The following HK2 variants were observed in gnomAD, a reference collection of about 807,000 sequenced individuals.
HK2 encodes hexokinase 2.
A neutral mutation model predicts 92.9 loss-of-function variants in HK2; 42 were observed. The observed-to-expected ratio is 0.45, with a 90% CI of 0.35 to 0.58. HK2 has a LOEUF of 0.58. Among genes scored for constraint, HK2 ranks in the 20% least tolerant of loss-of-function variants. HK2 has a pLI of 0.00. For synonymous variants in HK2, 422 were observed against 468.0 expected, an observed-to-expected ratio of 0.90 and a Z score of 1.27; for missense variants, 978 against 1,245.1, an observed-to-expected ratio of 0.79 and a Z score of 3.23.
In HK2 at chr2:74,877,148, G is replaced by A; in HGVS notation, c.876-18G>A. 1 of 1,613,522 alleles carries A rather than the reference G, an allele frequency of 6.2e-7. No homozygotes were observed. Among genetic ancestry groups the A allele is most frequent in the Non-Finnish European group, 8.5e-7 (1 of 1,180,002 alleles). On this transcript the variant is annotated intron_variant, in intron 7 of 17. Coordinates refer to ENST00000290573, the MANE Select transcript of HK2 (RefSeq NM_000189.5). ...GGGCAGTGGGGACTTTATGTTTTTG[G>A]TTTGTGTCTTCCGGCAGGTTTGAGA...
At position 74,878,793 on chromosome 2, in the gene HK2, C is replaced by T. The variant is rs1210729799; in HGVS notation, c.1137C>T (p.Ser379=). The T allele has an allele frequency of 6.4e-7, 1 of 1,564,592 alleles. No individual in the cohort carries two copies. The highest frequency in any genetic ancestry group is 1.4e-5 in the African/African-American group (1 of 73,532). The change falls in exon 9 of 18, where the codon TCC becomes TCT. Residue 379 remains serine (S), a synonymous_variant. Transcript: ENST00000290573. The part of the protein sequence containing the change: ...VATHRICQIV[S]TRSASLCAAT... Reference sequence around the variant, plus strand: ...CTCACCGGATCTGCCAGATCGTGTCCACACGCTCCGCCAGCCTGTGCGCAG... The same window carrying T: ...CTCACCGGATCTGCCAGATCGTGTCTACACGCTCCGCCAGCCTGTGCGCAG...
At position 74,834,994 on chromosome 2, in the gene HK2, C is replaced by T. The variant is rs1198158036; in HGVS notation, c.63+351C>T. On this transcript the variant is annotated intron_variant, in intron 1 of 17. Coordinates refer to ENST00000290573, the MANE Select transcript of HK2 (RefSeq NM_000189.5). This position sits in a 1 kb window ranked among gnomAD's most constrained non-coding sequence, Gnocchi z 4.2. Reference sequence around the variant, plus strand: ...CTGCGCCCACGTGGGAGGGAGCCCCCTTCTGCAGCGCGAGTTCCGGCGAGA... The same window carrying T: ...CTGCGCCCACGTGGGAGGGAGCCCCTTTCTGCAGCGCGAGTTCCGGCGAGA... Among the ~76,000 whole-genome samples the T allele has an allele frequency of 6.6e-6, 1 of 152,208 alleles. No homozygotes were observed. Among genetic ancestry groups the T allele is most frequent in the African/African-American group, 2.4e-5 (1 of 41,460 alleles).
At chr2:74,889,838 A>G (rs1039373649) in intron 17 of HK2, among the ~76,000 whole-genome samples, 7 of 152,240 alleles carry the variant, frequency 4.6e-5, no homozygotes, top group Non-Finnish European at 1.0e-4. Context: ...ATCACATGGT[A>G]TCTCTTCTGT....
rs188750309 is a variant in HK2 at position 74,838,653 on chromosome 2, C to G, written c.63+4010C>G. 6.8e-3 allele frequency among the ~76,000 whole-genome samples: 1,032 copies of G among 152,032 alleles called. 14 individuals carry two copies. The highest frequency in any genetic ancestry group is 0.024 in the African/African-American group (989 of 41,480). The stretch of plus-strand genomic sequence containing the variant: ...TCCCGGGTTCACGCCATTCTCCTGC[C>G]TCAGCCTCCCGAGTAGCTGGGACTA... On this transcript the variant is annotated intron_variant, in intron 1 of 17. Coordinates refer to ENST00000290573, the MANE Select transcript of HK2 (RefSeq NM_000189.5).
chr2:74,884,102 A>G (rs766151194), intron 12 of HK2, among the ~76,000 whole-genome samples: 5 of 152,228 alleles, frequency 3.3e-5, no homozygotes, highest in Admixed American at 6.5e-5. Context: ...TTTTCATGCC[A>G]ACAGGTTATA....
At chr2:74,873,245 A>C in intron 4 of HK2, 31 bp from the exon 5 acceptor site, 1 of 1,524,864 alleles carries the variant, frequency 6.6e-7, no homozygotes, top group Non-Finnish European at 9.1e-7. Context: ...TTTAGTGGGA[A>C]ATCAATATTC....
chr2:74,868,854 C>G (rs1159437889), intron 3 of HK2, among the ~76,000 whole-genome samples: 2 of 152,186 alleles, frequency 1.3e-5, no homozygotes, highest in Non-Finnish European at 2.9e-5. Context: ...TTAAGTTTTA[C>G]AAGAACAACA....
chr2:74,874,621 A>G (rs1398153473), intron 7 of HK2, among the ~76,000 whole-genome samples, 172 bp downstream of exon 7: 2 of 152,224 alleles, frequency 1.3e-5, no homozygotes. Context: ...GATCTAAAAC[A>G]GAGAGCAAGC....
At chr2:74,848,241 C>T (rs186852879) in intron 1 of HK2, among the ~76,000 whole-genome samples, 1 of 152,310 alleles carries the variant, frequency 6.6e-6, no homozygotes, top group East Asian at 1.9e-4. Flanking sequence ...TTAGACAAGA[C>T]TCATCTCTCC....
Position 74,871,619 on chromosome 2 carries a change from C to A in HK2, c.376-681C>A, listed in dbSNP as rs547626182. 5.3e-5 allele frequency among the ~76,000 whole-genome samples: 8 copies of A among 152,298 alleles called. No individual in the cohort carries two copies. In the South Asian group the frequency reaches 1.4e-3, roughly 28 times the overall value. ...GTGCGGTCACGGTTGTGAGGCTGCTCACCCACAAAATGTGATTTATTTCTC... is the reference window on the plus strand; with the variant it reads ...GTGCGGTCACGGTTGTGAGGCTGCTAACCCACAAAATGTGATTTATTTCTC... On this transcript the variant is annotated intron_variant, in intron 3 of 17. Coordinates refer to ENST00000290573, the MANE Select transcript of HK2 (RefSeq NM_000189.5).
chr2:74,879,812 T>C (rs1168041288), intron 9 of HK2, among the ~76,000 whole-genome samples: 1 of 152,170 alleles, frequency 6.6e-6, no homozygotes, highest in Non-Finnish European at 1.5e-5. Flanking sequence ...CAGAAGAGCA[T>C]CTCTAGCTTT....
At chr2:74,881,889 C>T (rs370593896) in intron 11 of HK2, 30 bp downstream of exon 11, 2 of 1,611,246 alleles carry the variant, frequency 1.2e-6, no homozygotes, top group East Asian at 2.2e-5. Context: ...CAGGAGGGGG[C>T]CCCTGGTGGA....
rs187946864 is a variant in HK2 at position 74,866,795 on chromosome 2, G to A, written c.227-841G>A. 3.3e-5 allele frequency among the ~76,000 whole-genome samples: 5 copies of A among 152,254 alleles called. 1 individual carries two copies. The highest frequency in any genetic ancestry group is 1.2e-4 in the African/African-American group (5 of 41,504). ...TCAGCATTCTCTTGCATTCTGATAAGCCTGAGATCCTTTGAGGGGGCACCT... is the reference window on the plus strand; with the variant it reads ...TCAGCATTCTCTTGCATTCTGATAAACCTGAGATCCTTTGAGGGGGCACCT... On this transcript the variant is annotated intron_variant, in intron 2 of 17. Coordinates refer to ENST00000290573, the MANE Select transcript of HK2 (RefSeq NM_000189.5).
chr2:74,835,464 T>G (rs1269149984), intron 1 of HK2: 1 of 152,352 alleles, frequency 6.6e-6, no homozygotes, highest in East Asian at 1.9e-4. Flanking sequence ...ACGAGCTTTT[T>G]TTTCCTTAAG....
At chr2:74,866,471 G>C (rs1440514435) in intron 2 of HK2, among the ~76,000 whole-genome samples, 1 of 150,722 alleles carries the variant, frequency 6.6e-6, no homozygotes, top group Non-Finnish European at 1.5e-5. Context: ...CGCCTTGCCT[G>C]CTCCGCCAGC....
chr2:74,862,252 T>C (rs1276927317), intron 2 of HK2, among the ~76,000 whole-genome samples: 1 of 152,226 alleles, frequency 6.6e-6, no homozygotes, highest in African/African-American at 2.4e-5. Flanking sequence ...GATTGGAACT[T>C]GGCCAGCCAA....
intron 10 of HK2, among the ~76,000 whole-genome samples, 176 bp from the exon 11 acceptor site, chr2:74,881,535 T>C (rs976876364): frequency 2.0e-5 from 3 of 152,230 alleles, no homozygotes; most frequent in African/African-American, 7.2e-5. Flanking sequence ...TTTAAAAGAT[T>C]TCCCTTCAGC....
In HK2 at chr2:74,889,475, C is replaced by T. The variant is rs377363473; in HGVS notation, c.2606C>T (p.Pro869Leu). ...GATGGGACCCTCTACAAGCTACATC[C>T]TCAGTGAGTGCCTGATCCCAGCCCC... Reference protein sequence around the residue: ...GVDGTLYKLHPHFAKVMHETV... With the variant: ...GVDGTLYKLHLHFAKVMHETV... Residue 869 changes from proline to leucine, a missense_variant, in exon 17 of 18, where the codon CCT (proline) becomes CTT (leucine). Physicochemically the swap from Pro to Leu is moderately conservative, Grantham distance 98 (BLOSUM62 -3). Transcript: ENST00000290573. 1 of 1,597,718 alleles carries T rather than the reference C, an allele frequency of 6.3e-7. No homozygotes were observed. The highest frequency in any genetic ancestry group is 1.1e-5 in the South Asian group (1 of 90,140).
chr2:74,837,661 T>TTTGCCC (rs1273338554), intron 1 of HK2, among the ~76,000 whole-genome samples: 1 of 150,402 alleles, frequency 6.6e-6, no homozygotes, highest in African/African-American at 2.4e-5. Context: ...ACTAGGTCCT[T>TTTGCCC]TTGCCCTTGT....
Sources: allele counts gnomAD v4.1 joint callset (sites outside exome capture counted in the v4.1 genomes callset), GRCh38; gene constraint gnomAD v4.1.1; non-coding constraint Gnocchi (gnomAD v3.1); transcripts MANE v1.5; gene names NCBI Gene and HGNC (gene_info 2026-07-23, HGNC 2026-07-21).